The following IRF2 variants were observed in gnomAD, a reference collection of about 807,000 sequenced individuals.
The protein encoded by IRF2 is interferon regulatory factor 2.
A neutral mutation model predicts 40.6 loss-of-function variants in IRF2; 15 were observed. The ratio of observed to expected loss-of-function variants is 0.37; its 90% confidence interval spans 0.25 to 0.57. IRF2 has a LOEUF of 0.57. Ranked by LOEUF, IRF2 falls within the 20% of genes least tolerant of loss-of-function variation. IRF2 has a pLI of 0.77. For synonymous variants in IRF2, 151 were observed against 165.5 expected (o/e 0.91, Z 0.67); for missense variants, 317 against 455.7 (o/e 0.70, Z 2.77).
At chr4:184,437,921 T>C (rs1019648729) in intron 1 of IRF2, among the ~76,000 whole-genome samples, 3 of 151,852 alleles carry the variant, frequency 2.0e-5, no homozygotes, top group East Asian at 1.9e-4. Context: ...GGGCACACAA[T>C]AGTCTTTTCC....
chr4:184,419,585 A>G lies in IRF2; in HGVS notation c.88-17T>C, dbSNP rs1737407034. The G allele has an allele frequency of 1.5e-5, 23 of 1,565,038 alleles. No homozygotes were observed. Among genetic ancestry groups the G allele is most frequent in the Non-Finnish European group, 1.8e-5 (21 of 1,148,648 alleles). On this transcript the variant is annotated splice_polypyrimidine_tract_variant and intron_variant, in intron 2 of 8. Transcript: ENST00000393593. Reference sequence around the variant, plus strand: ...CTTCTTTTCCTGAAAAAAAAAAAAAAAAAAAAGGTAAAGAACTGGAGTCAT... The same window carrying G: ...CTTCTTTTCCTGAAAAAAAAAAAAAGAAAAAAGGTAAAGAACTGGAGTCAT...
At chr4:184,469,199 T>C (rs1320469090) in intron 1 of IRF2, among the ~76,000 whole-genome samples, 1 of 152,142 alleles carries the variant, frequency 6.6e-6, no homozygotes, top group Non-Finnish European at 1.5e-5. Context: ...TCCCGGCTAG[T>C]TTCAGTGCCT....
At chr4:184,430,364 C>CCTTTTCCT (rs1369522022) in intron 1 of IRF2, among the ~76,000 whole-genome samples, 2 of 122,780 alleles carry the variant, frequency 1.6e-5, no homozygotes, top group East Asian at 2.8e-4. Context: ...GTCTGGCCCA[C>CCTTTTCCT]TGACTGCTGC....
chr4:184,393,029 C>T (rs1037925355), intron 7 of IRF2, among the ~76,000 whole-genome samples: 5 of 152,156 alleles, frequency 3.3e-5, no homozygotes, highest in African/African-American at 1.2e-4. Flanking sequence ...CGCAGAAACA[C>T]ATGAAAACCA....
intron 6 of IRF2, among the ~76,000 whole-genome samples, chr4:184,401,760 G>A (rs1460302150): frequency 6.6e-6 from 1 of 152,174 alleles, no homozygotes; most frequent in Non-Finnish European, 1.5e-5. Context: ...GAGGAGGGAG[G>A]GCGCAGCGAT....
At chr4:184,455,275 CCCCTCCCCCTCCCTT>C (rs1738878763) in intron 1 of IRF2, among the ~76,000 whole-genome samples, 1 of 74,434 alleles carries the variant, frequency 1.3e-5, no homozygotes. Context: ...CCCTCTCCCT[CCCCTCCCCCTCCCTT>C]CCTTCTTCTT....
rs115973649 is a variant in IRF2, at chr4:184,417,494, G to A, written c.411+673C>T. 4.6e-3 allele frequency among the ~76,000 whole-genome samples: 704 copies of A among 152,278 alleles called. 7 individuals are homozygous for A. Among genetic ancestry groups the A allele is most frequent in the African/African-American group, 0.016 (671 of 41,546 alleles). Reference sequence around the variant, plus strand: ...TGAAGCTCGTCCCCAGTTTTGCAGGGCATATTCGGCTCTTCTCTTACTATT... The same window carrying A: ...TGAAGCTCGTCCCCAGTTTTGCAGGACATATTCGGCTCTTCTCTTACTATT... On this transcript the variant is annotated intron_variant, in intron 5 of 8. Transcript: ENST00000393593.
rs1736965006 is a variant in IRF2, at chr4:184,408,822, T to C, written c.412-547A>G. ...TGGCCACCTGAGGCCCTGCATTGGA[T>C]GGCTGGCTGATCACCCTGGCCTGAG... On this transcript the variant is annotated intron_variant, in intron 5 of 8. Transcript: ENST00000393593. This position sits in a 1 kb window ranked among gnomAD's most constrained non-coding sequence, Gnocchi z 4.9. Among the ~76,000 whole-genome samples, 1 of 152,234 alleles carries C rather than the reference T, an allele frequency of 6.6e-6. No homozygotes were observed. Among genetic ancestry groups the C allele is most frequent in the Non-Finnish European group, 1.5e-5 (1 of 68,034 alleles).
chr4:184,421,498 T>G (rs1019833673), intron 2 of IRF2, among the ~76,000 whole-genome samples: 1 of 152,218 alleles, frequency 6.6e-6, no homozygotes, highest in Admixed American at 6.5e-5. Flanking sequence ...GATGTTCACA[T>G]GAAAATGAAT....
At chr4:184,403,096 G>T (rs573636967) in intron 6 of IRF2, among the ~76,000 whole-genome samples, 63 of 152,256 alleles carry the variant, frequency 4.1e-4, no homozygotes, top group African/African-American at 1.5e-3. Flanking sequence ...CCCCATAGGA[G>T]TGTGTTGCTT....
intron 1 of IRF2, among the ~76,000 whole-genome samples, chr4:184,439,962 A>T (rs548260446): frequency 6.6e-6 from 1 of 152,328 alleles, no homozygotes; most frequent in African/African-American, 2.4e-5. Flanking sequence ...TCGTCCAGAG[A>T]TCAAGCCTTA....
chr4:184,419,303 G>A (rs975253140), intron 3 of IRF2, among the ~76,000 whole-genome samples, 166 bp downstream of exon 3: 2 of 152,148 alleles, frequency 1.3e-5, no homozygotes, highest in Non-Finnish European at 2.9e-5. Flanking sequence ...CATTACTTCT[G>A]AGGGCTGCAG....
intron 1 of IRF2, among the ~76,000 whole-genome samples, chr4:184,469,938 A>G (rs1006784363): frequency 6.6e-6 from 1 of 152,160 alleles, no homozygotes; most frequent in African/African-American, 2.4e-5. Context: ...TTCATGTTCA[A>G]ATCTGGACCC....
At chr4:184,454,692 C>A (rs1738846815) in intron 1 of IRF2, among the ~76,000 whole-genome samples, 1 of 152,184 alleles carries the variant, frequency 6.6e-6, no homozygotes, top group African/African-American at 2.4e-5. Context: ...CTTGTTAAAG[C>A]ATAATATGGT....
At chr4:184,460,565 T>C (rs1739097183) in intron 1 of IRF2, among the ~76,000 whole-genome samples, 2 of 152,176 alleles carry the variant, frequency 1.3e-5, no homozygotes, top group African/African-American at 4.8e-5. Context: ...TCAGTGCTTT[T>C]ATGGATGATA....
At chr4:184,401,228 T>C (rs1736653628) in intron 6 of IRF2, among the ~76,000 whole-genome samples, 2 of 152,242 alleles carry the variant, frequency 1.3e-5, no homozygotes, top group Non-Finnish European at 2.9e-5. Flanking sequence ...TTCTGAAGTA[T>C]TTTTGTTTAT....
chr4:184,424,595 G>A (rs1053542429), intron 2 of IRF2, among the ~76,000 whole-genome samples: 3 of 152,210 alleles, frequency 2.0e-5, no homozygotes, highest in Non-Finnish European at 4.4e-5. Context: ...ATCCTGCACT[G>A]CCTCAGGACT....
In IRF2 at chr4:184,408,383, G is replaced by A; in HGVS notation, c.412-108C>T. 17 of 734,474 alleles carry A rather than the reference G, an allele frequency of 2.3e-5. No individual in the cohort carries two copies. The highest frequency in any genetic ancestry group is 2.1e-4 in the South Asian group (13 of 62,414). The allele number at this position is 734,474 out of a possible 1,614,324, so 45.5% of individuals were successfully genotyped here. On this transcript the variant is annotated intron_variant, in intron 5 of 8. Coordinates refer to ENST00000393593, the MANE Select transcript of IRF2 (RefSeq NM_002199.4). This position sits in a 1 kb window ranked among gnomAD's most constrained non-coding sequence, Gnocchi z 4.9. The stretch of plus-strand genomic sequence containing the variant: ...TTTCTTTAATGCTAGGGTCATTCAT[G>A]TTCAGCTGCCGAATACATTCATCCC...
At chr4:184,391,602 T>C (rs1736264624) in intron 7 of IRF2, among the ~76,000 whole-genome samples, 1 of 152,218 alleles carries the variant, frequency 6.6e-6, no homozygotes, top group South Asian at 2.1e-4. Context: ...AAATGGACCC[T>C]TCCCCAGTTG....
Sources: gnomAD v4.1 joint callset for allele counts (sites outside exome capture counted in the v4.1 genomes callset) on GRCh38, gnomAD v4.1.1 for gene constraint, Gnocchi (gnomAD v3.1) non-coding constraint, MANE v1.5 for transcripts, NCBI Gene and HGNC (gene_info 2026-07-23, HGNC 2026-07-21) for gene names.